Variants in RHPN2 observed in about 807,000 individuals in gnomAD.
RHPN2 encodes the protein rhophilin Rho GTPase binding protein 2, also known as rhophilin-2.
Under a neutral mutation model 79.0 loss-of-function variants are expected in RHPN2, and 40 were observed. That is an observed-to-expected ratio of 0.51 (90% CI 0.39 to 0.66). The LOEUF (loss-of-function observed/expected upper bound fraction) is 0.66, where lower values mean the gene tolerates loss of function less well. Among genes scored for constraint, RHPN2 ranks in the 30% least tolerant of loss-of-function variants. The probability of loss-of-function intolerance (pLI) is 0.00; values close to 1 mark genes in which losing one functional copy is unlikely to be tolerated. For synonymous variants in RHPN2, 285 were observed against 363.5 expected (o/e 0.78, Z 2.46); for missense variants, 686 against 883.5 (o/e 0.78, Z 2.83).
chr19:32,990,539 C>A lies in RHPN2; in HGVS notation c.1775G>T (p.Ser592Ile). Reference protein sequence around the residue: ...GEDEIEMKVVSLLDSTSSMHN... With the variant: ...GEDEIEMKVVILLDSTSSMHN... Reference sequence around the variant, plus strand: ...CATGGATGATGTGGAGTCCAGGAGGCTCACGACTTTCATCTCGATCTCGTC... The same window carrying A: ...CATGGATGATGTGGAGTCCAGGAGGATCACGACTTTCATCTCGATCTCGTC... Residue 592 changes from serine (S) to isoleucine (I), a missense_variant, in exon 14 of 15, where the codon AGC becomes ATC. Coordinates refer to ENST00000254260, the MANE Select transcript of RHPN2 (RefSeq NM_033103.5). 6.2e-7 allele frequency: 1 copy of A among 1,613,864 alleles called. No homozygotes were observed. The highest frequency in any genetic ancestry group is 8.5e-7 in the Non-Finnish European group (1 of 1,179,850).
chr19:33,049,616 C>T (rs1299377544), intron 1 of RHPN2, among the ~76,000 whole-genome samples: 1 of 152,214 alleles, frequency 6.6e-6, no homozygotes, highest in African/African-American at 2.4e-5. Flanking sequence ...AAGGTTCGGA[C>T]ATTTCCGTCA....
intron 3 of RHPN2, among the ~76,000 whole-genome samples, chr19:33,023,930 C>A (rs1779333706): frequency 6.6e-6 from 1 of 152,208 alleles, no homozygotes; most frequent in South Asian, 2.1e-4. Flanking sequence ...AATCCAGAGA[C>A]CTTCGGTTCA....
chr19:33,021,720 G>A, intron 3 of RHPN2, 74 bp from the exon 4 acceptor site: 1 of 1,104,210 alleles, frequency 9.1e-7, no homozygotes, highest in Non-Finnish European at 1.3e-6. Context: ...CTTGCCCTCA[G>A]CAGCCCAAGC....
At chr19:33,039,695 G>A (rs1044756725) in intron 2 of RHPN2, among the ~76,000 whole-genome samples, 4 of 151,866 alleles carry the variant, frequency 2.6e-5, no homozygotes, top group Admixed American at 1.3e-4. Flanking sequence ...AAAATTAGCC[G>A]GGTATGATGG....
At chr19:33,063,085 G>A (rs1468111029) in intron 1 of RHPN2, among the ~76,000 whole-genome samples, 3 of 152,094 alleles carry the variant, frequency 2.0e-5, no homozygotes, top group Non-Finnish European at 4.4e-5. Flanking sequence ...AGGCCACACA[G>A]CAATTTTGTG....
intron 1 of RHPN2, among the ~76,000 whole-genome samples, chr19:33,049,357 T>C (rs538819370): frequency 6.6e-6 from 1 of 152,076 alleles, no homozygotes; most frequent in African/African-American, 2.4e-5. Flanking sequence ...CTATCTTGTG[T>C]AATAACGAGA....
chr19:33,023,554 G>A (rs564507134), intron 3 of RHPN2, among the ~76,000 whole-genome samples: 15 of 151,980 alleles, frequency 9.9e-5, no homozygotes, highest in African/African-American at 3.1e-4. Flanking sequence ...TTGGGAGGCC[G>A]AGGCAGGCGG....
At chr19:33,062,353 T>C (rs1019175804) in intron 1 of RHPN2, among the ~76,000 whole-genome samples, 1 of 151,372 alleles carries the variant, frequency 6.6e-6, no homozygotes, top group African/African-American at 2.4e-5. Context: ...TCTCAGCTAC[T>C]GGGAAGGCTG....
chr19:33,045,780 A>C (rs1396971351), intron 1 of RHPN2, among the ~76,000 whole-genome samples: 1 of 151,958 alleles, frequency 6.6e-6, no homozygotes, highest in African/African-American at 2.4e-5. Context: ...ATCAACCACT[A>C]TCTGATTTTA....
At chr19:33,010,642 C>T (rs1008954946) in intron 6 of RHPN2, among the ~76,000 whole-genome samples, 1 of 151,976 alleles carries the variant, frequency 6.6e-6, no homozygotes, top group Non-Finnish European at 1.5e-5. Context: ...CTTGGCCTCC[C>T]AAAGTGCTGG....
intron 14 of RHPN2, among the ~76,000 whole-genome samples, chr19:32,988,302 C>T (rs981046343): frequency 2.6e-5 from 4 of 152,006 alleles, no homozygotes; most frequent in Non-Finnish European, 2.9e-5. Flanking sequence ...ATTGATCAAG[C>T]CAAAAACTGA....
At chr19:33,002,703 A>G (rs1406960123) in intron 8 of RHPN2, 110 bp downstream of exon 8, 1 of 1,177,402 alleles carries the variant, frequency 8.5e-7, no homozygotes, top group Non-Finnish European at 1.3e-6. Context: ...GAGCTGGCAC[A>G]ATGCCCAGGT....
chr19:33,030,408 C>T (rs146898206), intron 2 of RHPN2, among the ~76,000 whole-genome samples: 11 of 152,178 alleles, frequency 7.2e-5, no homozygotes, highest in Admixed American at 4.6e-4. Context: ...GTCTGGGCCA[C>T]ATGGTAAAAC....
chr19:33,022,431 AC>A (rs1368633192), intron 3 of RHPN2, among the ~76,000 whole-genome samples: 1 of 151,072 alleles, frequency 6.6e-6, no homozygotes, highest in East Asian at 2.0e-4. Flanking sequence ...CAATACCCTC[AC>A]ATTTGCAACT....
chr19:33,013,914 G>A (rs1170092354), intron 4 of RHPN2, among the ~76,000 whole-genome samples: 2 of 145,892 alleles, frequency 1.4e-5, no homozygotes, highest in Non-Finnish European at 3.1e-5. Context: ...TCACTTTGTT[G>A]CCTCGGCTGG....
chr19:33,031,650 C>A (rs778572633), intron 2 of RHPN2, among the ~76,000 whole-genome samples: 4 of 151,978 alleles, frequency 2.6e-5, no homozygotes, highest in East Asian at 3.9e-4. Context: ...TCCTGAGTAG[C>A]TGGAACTACA....
At chr19:33,028,604 T>C (rs1437541405) in intron 2 of RHPN2, among the ~76,000 whole-genome samples, 2 of 152,112 alleles carry the variant, frequency 1.3e-5, no homozygotes, top group African/African-American at 4.8e-5. Flanking sequence ...AATGCTGAGA[T>C]ATATTAAAAG....
At chr19:33,046,696 G>A (rs183657529) in intron 1 of RHPN2, among the ~76,000 whole-genome samples, 2 of 152,198 alleles carry the variant, frequency 1.3e-5, no homozygotes, top group Non-Finnish European at 2.9e-5. Flanking sequence ...CAATACAGGT[G>A]CTGGTCTATC....
chr19:33,061,047 T>C (rs1187041808), intron 1 of RHPN2, among the ~76,000 whole-genome samples: 3 of 152,070 alleles, frequency 2.0e-5, no homozygotes, highest in Admixed American at 6.6e-5. Flanking sequence ...AATACTTTGA[T>C]GGATTCCACA....
Sources: gnomAD v4.1 joint callset for allele counts (sites outside exome capture counted in the v4.1 genomes callset) on GRCh38, gnomAD v4.1.1 for gene constraint, MANE v1.5 for transcripts, NCBI Gene and HGNC (gene_info 2026-07-23, HGNC 2026-07-21) for gene names.